The following KCNK3 variants were observed in gnomAD, a reference collection of about 807,000 sequenced individuals.
KCNK3 encodes potassium channel subfamily K member 3.
KCNK3 carries 9 observed loss-of-function variants against 27.3 expected under a neutral mutation model. The ratio of observed to expected loss-of-function variants is 0.33; its 90% confidence interval spans 0.20 to 0.57. The LOEUF (loss-of-function observed/expected upper bound fraction) is 0.57, where lower values mean the gene tolerates loss of function less well. Among genes scored for constraint, KCNK3 ranks in the 20% least tolerant of loss-of-function variants. KCNK3 has a pLI of 0.87. For synonymous variants in KCNK3, 278 were observed against 273.8 expected (o/e 1.02, Z -0.15); for missense variants, 391 against 577.7 (o/e 0.68, Z 3.31).
chr2:26,713,550 C>T (rs1174227102), intron 1 of KCNK3, among the ~76,000 whole-genome samples: 8 of 151,890 alleles, frequency 5.3e-5, no homozygotes, highest in South Asian at 2.1e-4. Flanking sequence ...GAAGCCGAGG[C>T]GGGCGGATCC....
chr2:26,700,968 T>G (rs1670300842), intron 1 of KCNK3, among the ~76,000 whole-genome samples: 1 of 152,118 alleles, frequency 6.6e-6, no homozygotes, highest in Non-Finnish European at 1.5e-5. Flanking sequence ...CTTCTCAAAC[T>G]GTAATGTGCA....
chr2:26,724,234 C>A (rs1487089786), intron 1 of KCNK3, among the ~76,000 whole-genome samples: 1 of 152,220 alleles, frequency 6.6e-6, no homozygotes, highest in Admixed American at 6.5e-5. Flanking sequence ...GTGGGGGGCA[C>A]CCTAAGCCGG....
chr2:26,704,275 T>TAAGCTG (rs1269117140), intron 1 of KCNK3, among the ~76,000 whole-genome samples: 2 of 152,168 alleles, frequency 1.3e-5, no homozygotes, highest in Non-Finnish European at 2.9e-5. Context: ...GGGACGGTGC[T>TAAGCTG]AAGCTGAAGA....
At chr2:26,710,120 C>T (rs954850949) in intron 1 of KCNK3, among the ~76,000 whole-genome samples, 2 of 152,206 alleles carry the variant, frequency 1.3e-5, no homozygotes, top group African/African-American at 2.4e-5. Context: ...GAGATGTTCC[C>T]GCACCCTCTG....
chr2:26,692,972 C>A lies in KCNK3; in HGVS notation c.97C>A (p.Pro33Thr), dbSNP rs1407868931. 6.4e-7 allele frequency: 1 copy of A among 1,569,848 alleles called. No homozygotes were observed. The highest frequency in any genetic ancestry group is 2.4e-5 in the East Asian group (1 of 42,248). Reference protein sequence around the residue: ...AAVFDALESEPELIERQRLEL... With the variant: ...AAVFDALESETELIERQRLEL... Reference sequence around the variant, plus strand: ...GGTCTTCGACGCGCTGGAGTCGGAGCCCGAGCTGATCGAGCGGCAGCGGCT... The same window carrying A: ...GGTCTTCGACGCGCTGGAGTCGGAGACCGAGCTGATCGAGCGGCAGCGGCT... The change falls in exon 1 of 2, where the codon CCC becomes ACC. Residue 33 changes from proline (P) to threonine (T), a missense_variant. Pro to Thr is a conservative substitution (Grantham distance 38). Transcript: ENST00000302909. The surrounding 1 kb of genome is among the most constrained non-coding windows in gnomAD (Gnocchi z 5.6).
intron 1 of KCNK3, among the ~76,000 whole-genome samples, chr2:26,713,144 C>A (rs1330792142): frequency 6.6e-6 from 1 of 152,152 alleles, no homozygotes; most frequent in Non-Finnish European, 1.5e-5. Flanking sequence ...TAATACCTGG[C>A]AGATGGTGGT....
chr2:26,699,207 GAGAAAGAAAGAAAGAAAGAAAGAA>G (rs1553384397), intron 1 of KCNK3, among the ~76,000 whole-genome samples: 1 of 130,966 alleles, frequency 7.6e-6, no homozygotes, highest in Non-Finnish European at 1.6e-5. Flanking sequence ...AGGAAAGAGA[GAGAAAGAAAGAAAGAAAGAAAGAA>G]AGAAAGAAAG....
chr2:26,701,338 G>A (rs993753710), intron 1 of KCNK3, among the ~76,000 whole-genome samples: 10 of 152,172 alleles, frequency 6.6e-5, no homozygotes, highest in Admixed American at 4.6e-4. Context: ...GGGTGGAGCC[G>A]GGTGCTGTAG....
At chr2:26,718,814 C>T (rs1663277496) in intron 1 of KCNK3, among the ~76,000 whole-genome samples, 1 of 152,100 alleles carries the variant, frequency 6.6e-6, no homozygotes, top group Non-Finnish European at 1.5e-5. Context: ...CACTGTGTTG[C>T]CCAGGTTCGT....
rs139805001 is a variant in KCNK3 at position 26,715,553 on chromosome 2, G to T, written c.284-12114G>T. Among the ~76,000 whole-genome samples, 30 of 152,358 alleles carry T rather than the reference G, an allele frequency of 2.0e-4. 1 individual carries two copies. The highest frequency in any genetic ancestry group is 6.3e-4 in the African/African-American group (26 of 41,586). On this transcript the variant is annotated intron_variant, in intron 1 of 1. Transcript: ENST00000302909. ...CCCAAGATCCTGGTCTCCTGCATGA[G>T]ATGAGTGGCAGGGAGTAGAGGAGAA...
In KCNK3 at chr2:26,692,831, G is replaced by T; in HGVS notation, c.-45G>T. 1.8e-6 allele frequency: 2 copies of T among 1,090,854 alleles called. No individual in the cohort carries two copies. The highest frequency in any genetic ancestry group is 2.2e-6 in the Non-Finnish European group (2 of 893,284). 67.6% of individuals were successfully genotyped at this position (1,090,854 alleles called of 1,614,324 possible). The stretch of plus-strand genomic sequence containing the variant: ...CAGCAGCGGCGGCCGGGGCCGAGGC[G>T]CGGGCCGGGGGCGCCGGGGGGCCGG... On this transcript the variant is annotated 5_prime_UTR_variant, in exon 1 of 2. Coordinates refer to ENST00000302909, the MANE Select transcript of KCNK3 (RefSeq NM_002246.3). The surrounding 1 kb of genome is among the most constrained non-coding windows in gnomAD (Gnocchi z 5.6).
At chr2:26,706,344 G>A (rs1340605131) in intron 1 of KCNK3, among the ~76,000 whole-genome samples, 1 of 152,140 alleles carries the variant, frequency 6.6e-6, no homozygotes, top group Non-Finnish European at 1.5e-5. Flanking sequence ...CTGGGGTCCT[G>A]GGGACAGGTC....
intron 1 of KCNK3, among the ~76,000 whole-genome samples, chr2:26,716,877 A>G (rs1225807216): frequency 6.6e-6 from 1 of 152,224 alleles, no homozygotes; most frequent in Non-Finnish European, 1.5e-5. Context: ...TGGCTTAACA[A>G]ACACCCTGCA....
chr2:26,704,790 G>A (rs1479993929), intron 1 of KCNK3, among the ~76,000 whole-genome samples: 2 of 152,244 alleles, frequency 1.3e-5, no homozygotes, highest in Admixed American at 6.5e-5. Flanking sequence ...GCCCTGGACT[G>A]TTCCACACAG....
intron 1 of KCNK3, among the ~76,000 whole-genome samples, chr2:26,704,231 A>G (rs1429159465): frequency 6.6e-6 from 1 of 151,910 alleles, no homozygotes; most frequent in East Asian, 1.9e-4. Context: ...AGCTCACACC[A>G]AGTACAGTTT....
In KCNK3 at chr2:26,728,192, C is replaced by T; in HGVS notation, c.809C>T (p.Ala270Val). 1.3e-6 allele frequency: 2 copies of T among 1,563,630 alleles called. No homozygotes were observed. Among genetic ancestry groups the T allele is most frequent in the Non-Finnish European group, 1.7e-6 (2 of 1,154,400 alleles). Residue 270 changes from alanine to valine, a missense_variant, in exon 2 of 2, where the codon GCG (alanine) becomes GTG (valine). By Grantham distance (64) the Ala-to-Val change is moderately conservative. Around this residue, in one of 4 missense-constraint regions of KCNK3, gnomAD observed 192 missense variants for 196.0 expected, o/e 0.98. Coordinates refer to ENST00000302909, the MANE Select transcript of KCNK3 (RefSeq NM_002246.3). ...GCGCTGCTCACGCGCAACGGGCAGG[C>T]GGGCGGCGGCGGAGGGGGTGGCAGC... The part of the protein sequence containing the change: ...HRALLTRNGQ[A>V]GGGGGGGSAH...
At chr2:26,723,897 G>C (rs896783314) in intron 1 of KCNK3, among the ~76,000 whole-genome samples, 2 of 152,240 alleles carry the variant, frequency 1.3e-5, no homozygotes, top group Non-Finnish European at 2.9e-5. Flanking sequence ...TACTGCGAGA[G>C]AGGGTCCTCA....
rs35378015 is a variant in KCNK3 at position 26,699,250 on chromosome 2, A to AAAGAAAGAAAGAAAGAAAGC, written c.283+6095_283+6096insAAAGAAAGAAAGAAAGCAAG. On this transcript the variant is annotated intron_variant, in intron 1 of 1. Coordinates refer to ENST00000302909, the MANE Select transcript of KCNK3 (RefSeq NM_002246.3). ...GAAAGAAAGAAAGAAAGAAAGAAAG[A>AAAGAAAGAAAGAAAGAAAGC]AAGCCAGCCAAGGAGAAAGGTACAC... Among the ~76,000 whole-genome samples the AAAGAAAGAAAGAAAGAAAGC allele has an allele frequency of 4.4e-3, 626 of 142,808 alleles. 1 individual carries two copies. The highest frequency in any genetic ancestry group is 0.018 in the East Asian group (88 of 4,994). 93.7% of individuals were successfully genotyped at this position (142,808 alleles called of 152,430 possible).
At chr2:26,709,640 G>A (rs1558598517) in intron 1 of KCNK3, among the ~76,000 whole-genome samples, 1 of 152,158 alleles carries the variant, frequency 6.6e-6, no homozygotes, top group Non-Finnish European at 1.5e-5. Flanking sequence ...GGCCTGAGGT[G>A]GAACAGTGAG....
Sources: allele counts gnomAD v4.1 joint callset (sites outside exome capture counted in the v4.1 genomes callset), GRCh38; gene constraint gnomAD v4.1.1; regional missense constraint gnomAD v4.1.1; non-coding constraint Gnocchi (gnomAD v3.1); transcripts MANE v1.5; gene names NCBI Gene and HGNC (gene_info 2026-07-23, HGNC 2026-07-21).